Variants in KSR2 observed in about 807,000 individuals in gnomAD.
KSR2 encodes kinase suppressor of ras 2.
In KSR2, 25 loss-of-function variants were observed where a neutral mutation model predicts 107.8. The observed-to-expected ratio is 0.23, with a 90% CI of 0.17 to 0.32. KSR2 has a LOEUF of 0.32. KSR2 is among the 10% of genes least tolerant of loss of function. KSR2 has a pLI of 1.00. For missense variants in KSR2, 887 were observed against 1,268.9 expected (o/e 0.70, Z 4.57); for synonymous variants, 480 against 507.0 (o/e 0.95, Z 0.71).
intron 3 of KSR2, among the ~76,000 whole-genome samples, chr12:117,810,091 T>C (rs1891143576): frequency 6.6e-6 from 1 of 152,136 alleles, no homozygotes; most frequent in African/African-American, 2.4e-5. Flanking sequence ...CCTCAAGGAC[T>C]GGCCACCAGT....
At chr12:117,854,887 A>G (rs564892020) in intron 3 of KSR2, among the ~76,000 whole-genome samples, 1 of 151,024 alleles carries the variant, frequency 6.6e-6, no homozygotes, top group African/African-American at 2.4e-5. Context: ...AAAAAAAAAA[A>G]TTTAAGCAAT....
intron 4 of KSR2, among the ~76,000 whole-genome samples, chr12:117,711,213 C>T (rs189150880): frequency 2.4e-4 from 37 of 152,300 alleles, no homozygotes; most frequent in African/African-American, 7.5e-4. Flanking sequence ...TTTAAAGTGC[C>T]TCACGTGCCA....
intron 5 of KSR2, among the ~76,000 whole-genome samples, chr12:117,661,606 G>C (rs1439639063): frequency 6.6e-6 from 1 of 152,114 alleles, no homozygotes; most frequent in African/African-American, 2.4e-5. Context: ...TATAACCCGG[G>C]GATTCTGAAA....
chr12:117,796,020 G>A (rs1339083194), intron 3 of KSR2, among the ~76,000 whole-genome samples: 1 of 152,176 alleles, frequency 6.6e-6, no homozygotes, highest in Non-Finnish European at 1.5e-5. Context: ...TTAACCATCT[G>A]GGCTCAAATG....
intron 3 of KSR2, among the ~76,000 whole-genome samples, chr12:117,780,754 G>A (rs1456868267): frequency 6.6e-6 from 1 of 152,170 alleles, no homozygotes; most frequent in African/African-American, 2.4e-5. Flanking sequence ...GTTTTTAAAT[G>A]TAACCACTAG....
intron 4 of KSR2, among the ~76,000 whole-genome samples, chr12:117,704,799 T>C (rs1379089072): frequency 1.3e-5 from 2 of 150,904 alleles, no homozygotes; most frequent in Non-Finnish European, 1.5e-5. Flanking sequence ...GTGGAGGTTG[T>C]AGTGAGCCAA....
chr12:117,619,958 T>C (rs1593058854), intron 5 of KSR2, among the ~76,000 whole-genome samples: 1 of 152,088 alleles, frequency 6.6e-6, no homozygotes, highest in Admixed American at 6.6e-5. Context: ...TTCCCAACTC[T>C]AGCCCCAGAC....
chr12:117,696,551 G>T (rs1170192281), intron 4 of KSR2, among the ~76,000 whole-genome samples: 1 of 151,532 alleles, frequency 6.6e-6, no homozygotes, highest in African/African-American at 2.4e-5. Flanking sequence ...AAGTAGGGGG[G>T]CTTGGGAGTT....
chr12:117,619,611 T>C (rs1882069009), intron 5 of KSR2, among the ~76,000 whole-genome samples: 1 of 151,560 alleles, frequency 6.6e-6, no homozygotes, highest in Non-Finnish European at 1.5e-5. Context: ...CAGTCTATCA[T>C]TGTTGGACAT....
At position 117,476,599 on chromosome 12, in the gene KSR2, G is replaced by A; in HGVS notation, c.2451-4C>T. On this transcript the variant is annotated splice_polypyrimidine_tract_variant and splice_region_variant and intron_variant, in intron 16 of 19. Transcript: ENST00000339824. Reference sequence around the variant, plus strand: ...GATGCGCAGTTTGTCCTCCCGCCTGGAGAAGCAAAGCACAGGATGAGCTCT... The same window carrying A: ...GATGCGCAGTTTGTCCTCCCGCCTGAAGAAGCAAAGCACAGGATGAGCTCT... 6.2e-7 allele frequency: 1 copy of A among 1,608,736 alleles called. No homozygotes were observed. Among genetic ancestry groups the A allele is most frequent in the East Asian group, 2.2e-5 (1 of 44,774 alleles).
At chr12:117,525,758 A>C (rs1445318247) in intron 13 of KSR2, among the ~76,000 whole-genome samples, 1 of 152,240 alleles carries the variant, frequency 6.6e-6, no homozygotes, top group Non-Finnish European at 1.5e-5. Flanking sequence ...ACAACTGCCA[A>C]CATGGAGTAT....
intron 1 of KSR2, chr12:117,890,632 T>C (rs972317672): frequency 1.3e-5 from 2 of 152,254 alleles, no homozygotes; most frequent in Admixed American, 1.3e-4. Flanking sequence ...CCAATTTACT[T>C]AATGGGAAGA....
At chr12:117,661,810 T>C (rs1270107563) in intron 5 of KSR2, among the ~76,000 whole-genome samples, 3 of 152,212 alleles carry the variant, frequency 2.0e-5, no homozygotes, top group Non-Finnish European at 2.9e-5. Context: ...CTGGTTTAAA[T>C]TGTGGTTGTG....
intron 14 of KSR2, among the ~76,000 whole-genome samples, chr12:117,520,445 G>A (rs576136129): frequency 6.6e-6 from 1 of 152,274 alleles, no homozygotes; most frequent in East Asian, 1.9e-4. Flanking sequence ...GCTTCTGCTG[G>A]TTCAGAGCCT....
chr12:117,549,359 C>T (rs1877118708), intron 9 of KSR2, among the ~76,000 whole-genome samples: 1 of 152,140 alleles, frequency 6.6e-6, no homozygotes, highest in African/African-American at 2.4e-5. Flanking sequence ...CCCTCCCAAG[C>T]CTTGCTCTTT....
At chr12:117,582,243 C>T (rs1250795805) in intron 6 of KSR2, 47 bp downstream of exon 6, 5 of 1,553,728 alleles carry the variant, frequency 3.2e-6, no homozygotes, top group South Asian at 2.2e-5. Flanking sequence ...CCCCACCCCT[C>T]ACAGAGCTGA....
At chr12:117,782,757 T>C (rs1245848070) in intron 3 of KSR2, among the ~76,000 whole-genome samples, 1 of 152,110 alleles carries the variant, frequency 6.6e-6, no homozygotes, top group East Asian at 1.9e-4. Flanking sequence ...AAAGCCAAAA[T>C]TTGAACCCAG....
chr12:117,754,115 T>C (rs1222885119), intron 4 of KSR2, among the ~76,000 whole-genome samples: 3 of 152,026 alleles, frequency 2.0e-5, no homozygotes, highest in Non-Finnish European at 4.4e-5. Context: ...GAAACAGCTT[T>C]GATTAGACTA....
intron 3 of KSR2, among the ~76,000 whole-genome samples, chr12:117,767,165 G>C (rs1468785368): frequency 1.3e-5 from 2 of 151,006 alleles, no homozygotes; most frequent in Non-Finnish European, 2.9e-5. Flanking sequence ...TGTAATCCCA[G>C]TACTTTGGGA....
Sources: allele counts gnomAD v4.1 joint callset (sites outside exome capture counted in the v4.1 genomes callset), GRCh38; gene constraint gnomAD v4.1.1; transcripts MANE v1.5; gene names NCBI Gene and HGNC (gene_info 2026-07-23, HGNC 2026-07-21).